MAST2: variants seen among roughly 807,000 people sequenced by gnomAD.
MAST2 encodes microtubule-associated serine/threonine-protein kinase 2.
MAST2 carries 70 observed loss-of-function variants against 147.4 expected under a neutral mutation model. The ratio of observed to expected loss-of-function variants is 0.47; its 90% CI spans 0.39 to 0.58. The LOEUF is 0.58. MAST2 is among the 20% of genes least tolerant of loss of function. The pLI, the probability that MAST2 is intolerant of heterozygous loss-of-function variation, is 0.00. For missense variants in MAST2, 2,080 were observed against 2,302.3 expected (o/e 0.90, Z 1.98); for synonymous variants, 869 against 896.8 (o/e 0.97, Z 0.55).
At chr1:45,959,744 C>G (rs1660139283) in intron 5 of MAST2, among the ~76,000 whole-genome samples, 1 of 152,018 alleles carries the variant, frequency 6.6e-6, no homozygotes, top group East Asian at 1.9e-4. Context: ...GGTTTATGGC[C>G]TCTGTTCTAG....
chr1:45,847,375 A>G (rs1302799421), intron 3 of MAST2: 7 of 511,926 alleles, frequency 1.4e-5, no homozygotes, highest in Admixed American at 1.2e-4. Context: ...AGTACCTTTC[A>G]GTTAGTTCAC....
intron 4 of MAST2, among the ~76,000 whole-genome samples, chr1:45,940,114 T>C (rs1395518043): frequency 6.6e-6 from 1 of 150,590 alleles, no homozygotes; most frequent in African/African-American, 2.4e-5. Flanking sequence ...TGCCTGAGCC[T>C]CCCGAGTAGC....
intron 5 of MAST2, among the ~76,000 whole-genome samples, chr1:45,966,691 C>T (rs1205261422): frequency 6.6e-6 from 1 of 152,002 alleles, no homozygotes; most frequent in Admixed American, 6.6e-5. Context: ...CACTGCACTC[C>T]AGCCTGGGCA....
In MAST2 at chr1:46,031,020, C is replaced by T. The variant is rs747835154; in HGVS notation, c.2722C>T (p.Leu908=). 3 of 1,613,476 alleles carry T rather than the reference C, an allele frequency of 1.9e-6. No individual in the cohort carries two copies. The highest frequency in any genetic ancestry group is 1.1e-5 in the South Asian group (1 of 91,008). Residue 908 remains leucine, a synonymous_variant, in exon 23 of 29, where the codon CTG becomes TTG. Transcript: ENST00000361297. This position sits in a 1 kb window ranked among gnomAD's most constrained non-coding sequence, Gnocchi z 4.1. ...IGSPEILRKR[L]SVSESSHTES... ...TGTGTCTCATAGATTACGGAAGCGGCTGTCGGTGTCTGAGTCATCCCACAC... is the reference window on the plus strand; with the variant it reads ...TGTGTCTCATAGATTACGGAAGCGGTTGTCGGTGTCTGAGTCATCCCACAC...
intron 3 of MAST2, among the ~76,000 whole-genome samples, chr1:45,871,072 GT>G (rs1205961387): frequency 1.1e-5 from 1 of 87,480 alleles, no homozygotes; most frequent in Non-Finnish European, 2.2e-5. Context: ...CATACAGTAG[GT>G]TTTCTTTAAA....
At chr1:45,883,106 T>C (rs1476935576) in intron 4 of MAST2, among the ~76,000 whole-genome samples, 1 of 152,130 alleles carries the variant, frequency 6.6e-6, no homozygotes, top group Non-Finnish European at 1.5e-5. Context: ...CATACTCATA[T>C]TTACCATGAT....
chr1:46,012,372 C>T (rs1210476772), intron 10 of MAST2, among the ~76,000 whole-genome samples: 1 of 152,182 alleles, frequency 6.6e-6, no homozygotes, highest in African/African-American at 2.4e-5. Context: ...AGGAAGAGCA[C>T]TGAATTTGGA....
chr1:45,902,851 T>C (rs1650013119), intron 4 of MAST2, among the ~76,000 whole-genome samples: 1 of 152,136 alleles, frequency 6.6e-6, no homozygotes, highest in African/African-American at 2.4e-5. Flanking sequence ...TTTCTGATTG[T>C]GCTTATTTAA....
chr1:45,838,106 G>A (rs1645159868), intron 3 of MAST2, among the ~76,000 whole-genome samples: 1 of 151,538 alleles, frequency 6.6e-6, no homozygotes, highest in Non-Finnish European at 1.5e-5. Flanking sequence ...AGCCATACTA[G>A]TGGATGTGTG....
intron 1 of MAST2, 26 bp downstream of exon 1, chr1:45,804,098 G>T: frequency 7.8e-7 from 1 of 1,275,362 alleles, no homozygotes; most frequent in Non-Finnish European, 1.0e-6. Context: ...ATCCGGGAGG[G>T]TGAACCTGAA....
At position 45,830,470 on chromosome 1, in the gene MAST2, G is replaced by T. The variant is rs562471402; in HGVS notation, c.468+889G>T. On this transcript the variant is annotated intron_variant, in intron 3 of 28. Transcript: ENST00000361297. ...TTACAGGCTTGAGCCACTGTGCCTG[G>T]CCCAATTAAGTCTATTTTGATTGCC... Among the ~76,000 whole-genome samples, 3 of 152,218 alleles carry T rather than the reference G, an allele frequency of 2.0e-5. No homozygotes were observed. The South Asian group carries it at 6.2e-4, about 32-fold the overall frequency.
At chr1:45,865,784 A>C (rs1646128308) in intron 3 of MAST2, among the ~76,000 whole-genome samples, 1 of 152,234 alleles carries the variant, frequency 6.6e-6, no homozygotes, top group African/African-American at 2.4e-5. Context: ...GCACTAAAAG[A>C]ATACATGCCA....
At chr1:45,928,320 A>G (rs1376831123) in intron 4 of MAST2, among the ~76,000 whole-genome samples, 1 of 152,192 alleles carries the variant, frequency 6.6e-6, no homozygotes, top group Non-Finnish European at 1.5e-5. Context: ...CACCTAAAAC[A>G]ATAGTTTATC....
Position 45,821,676 on chromosome 1 carries a change from C to T in MAST2, c.178-2757C>T, listed in dbSNP as rs548445616. Among the ~76,000 whole-genome samples, 6 of 151,342 alleles carry T rather than the reference C, an allele frequency of 4.0e-5. No homozygotes were observed. In the South Asian group the frequency reaches 8.4e-4, roughly 21 times the overall value. Reference sequence around the variant, plus strand: ...CTGGAACTACAGGCATGCACCACCACGCCAGCTGATTTTTGTATTTTTATT... The same window carrying T: ...CTGGAACTACAGGCATGCACCACCATGCCAGCTGATTTTTGTATTTTTATT... On this transcript the variant is annotated intron_variant, in intron 1 of 28. Coordinates refer to ENST00000361297, the MANE Select transcript of MAST2 (RefSeq NM_015112.3).
intron 5 of MAST2, among the ~76,000 whole-genome samples, chr1:45,990,555 G>A (rs1177602470): frequency 6.6e-6 from 1 of 152,084 alleles, no homozygotes; most frequent in Non-Finnish European, 1.5e-5. Context: ...GTTCAGTGGT[G>A]CAGTCACAGC....
At position 46,010,833 on chromosome 1, in the gene MAST2, A is replaced by T. The variant is rs760029635; in HGVS notation, c.1082A>T (p.Gln361Leu). The T allele has an allele frequency of 6.2e-6, 10 of 1,614,216 alleles. No homozygotes were observed. In the East Asian group the frequency reaches 2.2e-4, roughly 36 times the overall value. ...ADGALSFIHH[Q>L]VIEMARDCLD... is the part of the protein sequence containing the mutation. ...GGAGCCCTGAGCTTTATTCATCATC[A>T]GGTGATTGAGATGGCCCGAGACTGC... is the stretch of plus-strand genomic sequence containing the variant. The change falls in exon 10 of 29, where the codon CAG (glutamine) becomes CTG (leucine). Residue 361 changes from glutamine (Q) to leucine (L), a missense_variant. By Grantham distance (113) the Gln-to-Leu change is moderately radical (BLOSUM62 -2). This residue lies in a region of MAST2 where 569 missense variants were observed against 642.5 expected (regional missense o/e 0.89). Transcript: ENST00000361297.
intron 5 of MAST2, among the ~76,000 whole-genome samples, chr1:45,976,043 C>T (rs944899921): frequency 2.0e-5 from 3 of 150,396 alleles, no homozygotes; most frequent in Non-Finnish European, 4.4e-5. Context: ...GGTGCAATTT[C>T]GGCTCACCGC....
In MAST2 at chr1:45,803,860, T is replaced by G; in HGVS notation, c.-36T>G. The G allele has an allele frequency of 1.9e-6, 1 of 537,032 alleles. No homozygotes were observed. The highest frequency in any genetic ancestry group is 2.9e-6 in the Non-Finnish European group (1 of 345,900). The allele number at this position is 537,032 out of a possible 1,614,324, so 33.3% of individuals were successfully genotyped here. A position where few individuals can be genotyped will look rare whatever the true frequency, so the allele number is the denominator to read the frequency against. ...CCGGGGCAGTGCGGAGCCGGGACAG[T>G]CGCGGCGCTGACGCCCGCGGGCCCC... On this transcript the variant is annotated 5_prime_UTR_variant, in exon 1 of 29. Transcript: ENST00000361297.
At chr1:45,963,489 A>G (rs2148935907) in intron 5 of MAST2, among the ~76,000 whole-genome samples, 1 of 152,230 alleles carries the variant, frequency 6.6e-6, no homozygotes, top group African/African-American at 2.4e-5. Context: ...ATCCCTTGTA[A>G]GTTGGATTCC....
Sources: allele counts gnomAD v4.1 joint callset (sites outside exome capture counted in the v4.1 genomes callset), GRCh38; gene constraint gnomAD v4.1.1; regional missense constraint gnomAD v4.1.1; non-coding constraint Gnocchi (gnomAD v3.1); transcripts MANE v1.5; gene names NCBI Gene and HGNC (gene_info 2026-07-23, HGNC 2026-07-21).